EPHA6: variants seen among roughly 807,000 people sequenced by gnomAD.
EPHA6 encodes the protein EPH receptor A6, also known as ephrin type-A receptor 6.
A neutral mutation model predicts 112.0 loss-of-function variants in EPHA6; 50 were observed. That is an observed-to-expected ratio of 0.45 (90% CI 0.36 to 0.56). EPHA6 has a LOEUF of 0.56. Ranked by LOEUF, EPHA6 falls within the 20% of genes least tolerant of loss-of-function variation. The pLI is 0.00. For synonymous variants in EPHA6, 529 were observed against 490.7 expected, an observed-to-expected ratio of 1.08 and a Z score of -1.03; for missense variants, 1,280 against 1,417.4, an observed-to-expected ratio of 0.90 and a Z score of 1.56.
At chr3:96,908,205 A>G (rs1304614005) in intron 2 of EPHA6, among the ~76,000 whole-genome samples, 2 of 151,964 alleles carry the variant, frequency 1.3e-5, no homozygotes, top group African/African-American at 2.4e-5. Context: ...CTAGTATGGG[A>G]CCACCTCTAT....
At chr3:97,663,882 T>C (rs2094187500) in intron 14 of EPHA6, among the ~76,000 whole-genome samples, 2 of 152,220 alleles carry the variant, frequency 1.3e-5, no homozygotes, top group African/African-American at 4.8e-5. Context: ...ATGGTATTTC[T>C]AGTTCTAGAT....
At chr3:97,084,107 T>TATCC (rs2046814943) in intron 3 of EPHA6, among the ~76,000 whole-genome samples, 1 of 75,824 alleles carries the variant, frequency 1.3e-5, no homozygotes, top group Admixed American at 1.1e-4. Context: ...CATGGATATA[T>TATCC]ATATATATAT....
intron 2 of EPHA6, among the ~76,000 whole-genome samples, chr3:96,911,708 A>G (rs1324187974): frequency 6.6e-6 from 1 of 152,108 alleles, no homozygotes; most frequent in Non-Finnish European, 1.5e-5. Context: ...TATTTTTTAA[A>G]GATAATTGGT....
Position 97,448,562 on chromosome 3 carries a change from C to T in EPHA6, c.1732-6C>T, listed in dbSNP as rs1342357038. On this transcript the variant is annotated splice_polypyrimidine_tract_variant and splice_region_variant and intron_variant, in intron 6 of 17. Transcript: ENST00000389672. The stretch of plus-strand genomic sequence containing the variant: ...ATTTCCTTTCTCCTTTTTTTCTGTC[C>T]CCCAGGAACATGAGCAGCTGACCTA... 1.2e-6 allele frequency: 2 copies of T among 1,609,106 alleles called. No homozygotes were observed. The highest frequency in any genetic ancestry group is 1.3e-5 in the African/African-American group (1 of 74,388).
chr3:97,648,446 T>C (rs1311363331), intron 14 of EPHA6: 1 of 1,340,826 alleles, frequency 7.5e-7, no homozygotes, highest in African/African-American at 1.5e-5. Context: ...ATGTGTATTT[T>C]AAAGTTGGGA....
intron 2 of EPHA6, among the ~76,000 whole-genome samples, chr3:96,945,705 A>T (rs1022100640): frequency 2.3e-4 from 35 of 152,154 alleles, no homozygotes; most frequent in Middle Eastern, 3.4e-3. Flanking sequence ...TGATGAAAAA[A>T]ATATATATAT....
chr3:97,569,204 T>A (rs936360927), intron 11 of EPHA6, among the ~76,000 whole-genome samples: 23 of 152,228 alleles, frequency 1.5e-4, no homozygotes, highest in African/African-American at 5.3e-4. Flanking sequence ...TATTATTTTA[T>A]ATGCATTTGT....
At chr3:97,662,483 T>G (rs950292846) in intron 14 of EPHA6, among the ~76,000 whole-genome samples, 3 of 152,128 alleles carry the variant, frequency 2.0e-5, no homozygotes, top group African/African-American at 7.2e-5. Context: ...GCGTTCAGAC[T>G]GAAGGCGACA....
chr3:97,166,944 C>A (rs188346862), intron 3 of EPHA6, among the ~76,000 whole-genome samples: 7 of 152,216 alleles, frequency 4.6e-5, no homozygotes, highest in Admixed American at 4.6e-4. Flanking sequence ...GCTTATATTT[C>A]ATTGGACAAA....
intron 3 of EPHA6, among the ~76,000 whole-genome samples, chr3:97,172,021 C>T (rs913629157): frequency 6.6e-6 from 1 of 152,006 alleles, no homozygotes; most frequent in African/African-American, 2.4e-5. Flanking sequence ...CAATTGGTAT[C>T]TGATTTACTG....
rs973637978 is a variant in EPHA6, at chr3:96,894,394, A to G, written c.450+27505A>G. Among the ~76,000 whole-genome samples, 3 of 152,144 alleles carry G rather than the reference A, an allele frequency of 2.0e-5. No individual in the cohort carries two copies. In the East Asian group the frequency reaches 5.8e-4, roughly 29 times the overall value. On this transcript the variant is annotated intron_variant, in intron 2 of 17. Transcript: ENST00000389672. Reference sequence around the variant, plus strand: ...ATTGGTGATCTTCATTTCAATAACAAAATCATGTGTCTCTCTCCAGACAAC... The same window carrying G: ...ATTGGTGATCTTCATTTCAATAACAGAATCATGTGTCTCTCTCCAGACAAC...
intron 11 of EPHA6, 53 bp from the exon 12 acceptor site, chr3:97,592,559 A>G (rs2093554682): frequency 5.0e-6 from 8 of 1,603,790 alleles, no homozygotes; most frequent in South Asian, 4.4e-5. Flanking sequence ...TAAATGATCA[A>G]TGCTTTTCCA....
chr3:97,265,821 G>A (rs933020815), intron 5 of EPHA6, among the ~76,000 whole-genome samples: 9 of 152,320 alleles, frequency 5.9e-5, no homozygotes, highest in African/African-American at 2.2e-4. Flanking sequence ...TGGCAGCAGC[G>A]GCTCCAGATG....
chr3:96,910,263 C>G (rs909321990), intron 2 of EPHA6, among the ~76,000 whole-genome samples: 1 of 151,986 alleles, frequency 6.6e-6, no homozygotes, highest in Non-Finnish European at 1.5e-5. Context: ...AGGAGTCAGT[C>G]TTGATCCCTT....
In EPHA6 at chr3:97,289,068, C is replaced by T. The variant is rs139631966; in HGVS notation, c.1606+44781C>T. On this transcript the variant is annotated intron_variant, in intron 5 of 17. Transcript: ENST00000389672. ...TCTGTTGACAGTTACTTTTGCTCTGCAGACGCTCATTAGTTTAATCAGGTC... is the reference window on the plus strand; with the variant it reads ...TCTGTTGACAGTTACTTTTGCTCTGTAGACGCTCATTAGTTTAATCAGGTC... Among the ~76,000 whole-genome samples, 728 of 151,954 alleles carry T rather than the reference C, an allele frequency of 4.8e-3. 23 individuals carry two copies. Among genetic ancestry groups the T allele is most frequent in the Admixed American group, 0.043 (656 of 15,244 alleles).
chr3:97,539,026 T>TCTTTCTTTCTTG (rs1302272547), intron 11 of EPHA6, among the ~76,000 whole-genome samples: 8 of 149,388 alleles, frequency 5.4e-5, no homozygotes, highest in Middle Eastern at 3.5e-3. Flanking sequence ...TTTCTTTCTT[T>TCTTTCTTTCTTG]CTTTCTTTCT....
intron 3 of EPHA6, among the ~76,000 whole-genome samples, chr3:97,065,877 A>G (rs1396311604): frequency 6.6e-6 from 1 of 151,984 alleles, no homozygotes; most frequent in Non-Finnish European, 1.5e-5. Context: ...AAGCAACTTG[A>G]TTTTTTTAAA....
intron 2 of EPHA6, among the ~76,000 whole-genome samples, chr3:96,867,371 T>A (rs2036378055): frequency 6.6e-6 from 1 of 151,834 alleles, no homozygotes; most frequent in Admixed American, 6.6e-5. Context: ...ATTAGGTTTT[T>A]GTTAACTGAA....
intron 7 of EPHA6, among the ~76,000 whole-genome samples, chr3:97,458,291 A>G (rs982514205): frequency 4.6e-5 from 7 of 152,096 alleles, no homozygotes; most frequent in African/African-American, 1.7e-4. Context: ...AGAATACGGC[A>G]ATCTTACTGC....
Sources: gnomAD v4.1 joint callset for allele counts (sites outside exome capture counted in the v4.1 genomes callset) on GRCh38, gnomAD v4.1.1 for gene constraint, MANE v1.5 for transcripts, NCBI Gene and HGNC (gene_info 2026-07-23, HGNC 2026-07-21) for gene names.